GPLD1: variants seen among roughly 807,000 people sequenced by gnomAD.
GPLD1 encodes the protein phosphatidylinositol-glycan-specific phospholipase D.
GPLD1 carries 84 observed loss-of-function variants against 112.6 expected under a neutral mutation model. The ratio of observed to expected loss-of-function variants is 0.75; its 90% CI spans 0.63 to 0.89. GPLD1 has a LOEUF of 0.89. GPLD1 is among the 40% of genes least tolerant of loss of function. The pLI, the probability that GPLD1 is intolerant of heterozygous loss-of-function variation, is 0.00. For missense variants in GPLD1, 1,044 were observed against 1,051.5 expected (o/e 0.99, Z 0.10); for synonymous variants, 386 against 403.8 (o/e 0.96, Z 0.53).
chr6:24,429,781 C>G (rs1276077611), intron 24 of GPLD1, among the ~76,000 whole-genome samples: 3 of 152,234 alleles, frequency 2.0e-5, no homozygotes, highest in Admixed American at 6.5e-5. Flanking sequence ...CTCCCGACCT[C>G]AAGTGATCCA....
intron 7 of GPLD1, among the ~76,000 whole-genome samples, chr6:24,471,796 T>C (rs1763832957): frequency 1.3e-5 from 2 of 152,172 alleles, no homozygotes; most frequent in Non-Finnish European, 2.9e-5. Context: ...CATAGCTCAC[T>C]GAAGCCTCAA....
chr6:24,479,101 A>AC (rs1764115492), intron 3 of GPLD1, among the ~76,000 whole-genome samples: 2 of 151,362 alleles, frequency 1.3e-5, no homozygotes, highest in Admixed American at 1.3e-4. Flanking sequence ...AACATTCCAA[A>AC]CCCCTCCCCA....
intron 2 of GPLD1, among the ~76,000 whole-genome samples, chr6:24,484,106 G>A (rs1236876068): frequency 2.0e-5 from 3 of 151,840 alleles, no homozygotes; most frequent in Non-Finnish European, 4.4e-5. Context: ...TAGTAGAGAC[G>A]GGGTTTCACC....
intron 1 of GPLD1, 108 bp downstream of exon 1, chr6:24,489,307 G>T: frequency 1.2e-6 from 1 of 815,342 alleles, no homozygotes; most frequent in Non-Finnish European, 2.0e-6. Context: ...TCAGCTCAGT[G>T]CCCAGGGGAA....
intron 11 of GPLD1, among the ~76,000 whole-genome samples, 177 bp from the exon 12 acceptor site, chr6:24,460,576 T>C (rs904163450): frequency 6.6e-6 from 1 of 152,216 alleles, no homozygotes; most frequent in Non-Finnish European, 1.5e-5. Flanking sequence ...CAAAATCTTT[T>C]AGTAAACACA....
chr6:24,454,816 G>C (rs1763215941), intron 13 of GPLD1, among the ~76,000 whole-genome samples: 1 of 152,186 alleles, frequency 6.6e-6, no homozygotes, highest in Admixed American at 6.5e-5. Context: ...GTTTATTCTA[G>C]TGCTTATCAT....
chr6:24,444,903 T>C (rs793715), intron 20 of GPLD1, among the ~76,000 whole-genome samples: 141,003 of 152,200 alleles, frequency 0.93, 65,401 homozygotes, highest in Non-Finnish European at 0.95. Context: ...GTGAACTGAC[T>C]TATACAATTT....
intron 20 of GPLD1, among the ~76,000 whole-genome samples, chr6:24,444,474 T>A (rs1475884396): frequency 6.6e-6 from 1 of 151,906 alleles, no homozygotes; most frequent in Non-Finnish European, 1.5e-5. Flanking sequence ...ACCTTTATAA[T>A]CTGGGAGGAA....
At position 24,454,219 on chromosome 6, in the gene GPLD1, A is replaced by AC; in HGVS notation, c.1149-19dup. 6.3e-7 allele frequency: 1 copy of AC among 1,594,670 alleles called. No homozygotes were observed. Among genetic ancestry groups the AC allele is most frequent in the Non-Finnish European group, 8.6e-7 (1 of 1,168,224 alleles). The stretch of plus-strand genomic sequence containing the variant: ...TCATTGCCCTTAGGGAAGTGAAGGG[A>AC]CCCACCATGGTATGCACTGAGCACT... On this transcript the variant is annotated intron_variant, in intron 13 of 24. Coordinates refer to ENST00000230036, the MANE Select transcript of GPLD1 (RefSeq NM_001503.4).
intron 10 of GPLD1, among the ~76,000 whole-genome samples, chr6:24,464,224 T>C (rs2127351829): frequency 6.6e-6 from 1 of 152,338 alleles, no homozygotes; most frequent in Admixed American, 6.5e-5. Flanking sequence ...TGATCTAATT[T>C]ACTCCTCACA....
At chr6:24,475,074 A>T (rs370075719) in intron 5 of GPLD1, 47 bp downstream of exon 5, 3 of 932,860 alleles carry the variant, frequency 3.2e-6, no homozygotes, top group Non-Finnish European at 5.3e-6. Context: ...CTTAGGTGAG[A>T]CAGTATCACT....
intron 2 of GPLD1, among the ~76,000 whole-genome samples, chr6:24,482,266 A>G (rs941882867): frequency 1.3e-5 from 2 of 148,768 alleles, no homozygotes; most frequent in Non-Finnish European, 2.9e-5. Flanking sequence ...ACACCTGGCT[A>G]ATTTTTGTAT....
At chr6:24,462,603 G>A (rs368552511) in intron 11 of GPLD1, 127 bp downstream of exon 11, 7 of 673,264 alleles carry the variant, frequency 1.0e-5, no homozygotes, top group East Asian at 7.8e-5. Context: ...TCACACAGCT[G>A]CAAGTGACAA....
At chr6:24,458,177 C>T (rs1352229337) in intron 12 of GPLD1, among the ~76,000 whole-genome samples, 1 of 151,852 alleles carries the variant, frequency 6.6e-6, no homozygotes, top group Non-Finnish European at 1.5e-5. Flanking sequence ...CCTAGGTCTG[C>T]TCCAAAGCAG....
chr6:24,432,093 A>C (rs1368506176), intron 24 of GPLD1, among the ~76,000 whole-genome samples: 1 of 151,966 alleles, frequency 6.6e-6, no homozygotes, highest in Non-Finnish European at 1.5e-5. Context: ...CTAAAAATAC[A>C]AAAACTAGCA....
intron 2 of GPLD1, among the ~76,000 whole-genome samples, chr6:24,482,530 C>T (rs938764722): frequency 6.6e-6 from 1 of 152,122 alleles, no homozygotes; most frequent in African/African-American, 2.4e-5. Flanking sequence ...ATCCACCTGC[C>T]TTGGCCTTCC....
intron 20 of GPLD1, among the ~76,000 whole-genome samples, chr6:24,440,903 T>C (rs976121575): frequency 1.3e-5 from 2 of 152,174 alleles, no homozygotes; most frequent in African/African-American, 4.8e-5. Flanking sequence ...TATTTCTAGC[T>C]TTTTACTACT....
rs777226084 is a variant in GPLD1, at chr6:24,479,864, G to A, written c.232+17C>T. The stretch of plus-strand genomic sequence containing the variant: ...AAGTAAAAGTGACTTCATTCAGTCT[G>A]CAAACTTTCATCTTACCTCCTTTGC... On this transcript the variant is annotated intron_variant, in intron 3 of 24. Coordinates refer to ENST00000230036, the MANE Select transcript of GPLD1 (RefSeq NM_001503.4). 2 of 1,491,120 alleles carry A rather than the reference G, an allele frequency of 1.3e-6. No homozygotes were observed. The highest frequency in any genetic ancestry group is 2.3e-5 in the South Asian group (2 of 88,576). The allele number at this position is 1,491,120 out of a possible 1,614,324, so 92.4% of individuals were successfully genotyped here.
chr6:24,433,316 A>T (rs768720463), intron 23 of GPLD1, 47 bp downstream of exon 23: 1 of 1,580,840 alleles, frequency 6.3e-7, no homozygotes, highest in South Asian at 1.1e-5. Context: ...ACCAAGGGGC[A>T]TTGTTTTGGT....
Sources: allele counts gnomAD v4.1 joint callset (sites outside exome capture counted in the v4.1 genomes callset), GRCh38; gene constraint gnomAD v4.1.1; transcripts MANE v1.5; gene names NCBI Gene and HGNC (gene_info 2026-07-23, HGNC 2026-07-21).